Variants in CTXND2 observed in about 807,000 individuals in gnomAD.
CTXND2 encodes cortexin domain containing 2.
At chr1:150,890,011 CAA>C (rs1668827342) in intron 1 of CTXND2, among the ~76,000 whole-genome samples, 1 of 152,052 alleles carries the variant, frequency 6.6e-6, no homozygotes, top group Non-Finnish European at 1.5e-5. Flanking sequence ...GAACAAAATT[CAA>C]AGTCCTTGCC....
chr1:150,905,480 G>A (rs1669125977), intron 1 of CTXND2, among the ~76,000 whole-genome samples: 1 of 152,028 alleles, frequency 6.6e-6, no homozygotes, highest in Non-Finnish European at 1.5e-5. Context: ...TCTGGGAGGA[G>A]TCCAGGGGGT....
intron 1 of CTXND2, among the ~76,000 whole-genome samples, chr1:150,902,684 G>A (rs1327048672): frequency 1.3e-5 from 2 of 151,762 alleles, no homozygotes; most frequent in Non-Finnish European, 2.9e-5. Flanking sequence ...GTATAGTTCT[G>A]GTAACTATGT....
chr1:150,910,255 G>A (rs1217752916), intron 1 of CTXND2, among the ~76,000 whole-genome samples: 1 of 149,770 alleles, frequency 6.7e-6, no homozygotes, highest in East Asian at 2.0e-4. Flanking sequence ...TCAGTCTCCT[G>A]AGTAGCTGGG....
At chr1:150,901,980 T>G (rs1349333567) in intron 1 of CTXND2, among the ~76,000 whole-genome samples, 2 of 151,498 alleles carry the variant, frequency 1.3e-5, no homozygotes, top group East Asian at 3.9e-4. Flanking sequence ...TAAATAATGC[T>G]AGAGGCTGAG....
intron 1 of CTXND2, among the ~76,000 whole-genome samples, chr1:150,909,874 T>G (rs971998489): frequency 6.6e-6 from 1 of 152,060 alleles, no homozygotes; most frequent in Non-Finnish European, 1.5e-5. Flanking sequence ...AATTAGAGGT[T>G]TATATAGCAA....
intron 1 of CTXND2, among the ~76,000 whole-genome samples, chr1:150,898,526 G>T (rs1050084399): frequency 6.6e-6 from 1 of 152,222 alleles, no homozygotes; most frequent in South Asian, 2.1e-4. Context: ...GGGAGGTCAA[G>T]GCGGGCGGAT....
At chr1:150,890,884 C>A (rs1668842021) in intron 1 of CTXND2, among the ~76,000 whole-genome samples, 1 of 152,172 alleles carries the variant, frequency 6.6e-6, no homozygotes, top group South Asian at 2.1e-4. Flanking sequence ...CAGAAAGCTT[C>A]AATGCTTCCT....
At chr1:150,889,753 C>A (rs1668824223) in intron 1 of CTXND2, among the ~76,000 whole-genome samples, 1 of 152,018 alleles carries the variant, frequency 6.6e-6, no homozygotes, top group South Asian at 2.1e-4. Flanking sequence ...CTGAATTCAA[C>A]AAGTATGAAC....
chr1:150,891,604 C>T (rs978259568), intron 1 of CTXND2, among the ~76,000 whole-genome samples: 4 of 152,212 alleles, frequency 2.6e-5, no homozygotes, highest in Non-Finnish European at 5.9e-5. Context: ...AAGCTGAGTC[C>T]TGAGTGTTTA....
intron 1 of CTXND2, among the ~76,000 whole-genome samples, chr1:150,903,506 A>G (rs1669079442): frequency 6.6e-6 from 1 of 152,104 alleles, no homozygotes; most frequent in Admixed American, 6.6e-5. Context: ...TAAAAATAAA[A>G]ATCACCCTTC....
chr1:150,900,663 A>G (rs1023708222), intron 1 of CTXND2, among the ~76,000 whole-genome samples: 1 of 152,000 alleles, frequency 6.6e-6, no homozygotes, highest in Admixed American at 6.6e-5. Context: ...AAACCAAAAA[A>G]AAACCCTGAC....
intron 1 of CTXND2, among the ~76,000 whole-genome samples, chr1:150,906,619 T>C (rs1669150419): frequency 6.6e-6 from 1 of 152,212 alleles, no homozygotes. Flanking sequence ...TGTCAATTTC[T>C]TGGCTACAGA....
intron 1 of CTXND2, chr1:150,904,117 G>A: frequency 3.0e-6 from 2 of 662,234 alleles, no homozygotes; most frequent in East Asian, 3.3e-5. Flanking sequence ...ATCCCAAGAA[G>A]TACATCCCTG....
chr1:150,892,039 CAAAG>C (rs948437971), intron 1 of CTXND2, among the ~76,000 whole-genome samples: 6 of 151,960 alleles, frequency 3.9e-5, no homozygotes, highest in Non-Finnish European at 7.4e-5. Flanking sequence ...GAAAGGAAAT[CAAAG>C]AAAGATGGAA....
At chr1:150,911,964 C>T (rs587684149) in intron 1 of CTXND2, among the ~76,000 whole-genome samples, 1 of 152,276 alleles carries the variant, frequency 6.6e-6, no homozygotes, top group African/African-American at 2.4e-5. Context: ...GACAGTTTTA[C>T]CTGGATCTTA....
At chr1:150,909,481 T>C (rs1669211884) in intron 1 of CTXND2, among the ~76,000 whole-genome samples, 1 of 151,980 alleles carries the variant, frequency 6.6e-6, no homozygotes, top group African/African-American at 2.4e-5. Context: ...CAATTTAGCC[T>C]GGGAGGTCGA....
At chr1:150,892,133 A>G (rs1443511825) in intron 1 of CTXND2, among the ~76,000 whole-genome samples, 1 of 152,220 alleles carries the variant, frequency 6.6e-6, no homozygotes, top group Non-Finnish European at 1.5e-5. Flanking sequence ...GAGATCTGCA[A>G]GTGCCAGGGT....
chr1:150,901,001 C>A (rs1669014012), intron 1 of CTXND2, among the ~76,000 whole-genome samples: 1 of 151,946 alleles, frequency 6.6e-6, no homozygotes, highest in African/African-American at 2.4e-5. Flanking sequence ...AGTCCCAGTT[C>A]CTTGGGAGGC....
chr1:150,905,062 CCACACACACACACACACACA>C (rs58415621), intron 1 of CTXND2, among the ~76,000 whole-genome samples: 33 of 130,824 alleles, frequency 2.5e-4, no homozygotes, highest in Admixed American at 2.1e-3. Context: ...AAAAAGAAAA[CCACACACACACACACACACA>C]CACACACACA....
Sources: allele counts gnomAD v4.1 joint callset (sites outside exome capture counted in the v4.1 genomes callset), GRCh38; gene constraint gnomAD v4.1.1; transcripts MANE v1.5; gene names NCBI Gene and HGNC (gene_info 2026-07-23, HGNC 2026-07-21).